REPS2: variants seen among roughly 807,000 people sequenced by gnomAD.
The protein encoded by REPS2 is RALBP1 associated Eps domain containing 2, also known as ralBP1-associated Eps domain-containing protein 2.
A neutral mutation model predicts 53.6 loss-of-function variants in REPS2; 23 were observed. The ratio of observed to expected loss-of-function variants is 0.43; its 90% CI spans 0.31 to 0.61. The LOEUF is 0.61. Ranked by LOEUF, REPS2 falls within the 20% of genes least tolerant of loss-of-function variation. REPS2 has a pLI of 0.11. For missense variants in REPS2, 446 were observed against 534.9 expected, an observed-to-expected ratio of 0.83 and a Z score of 1.64; for synonymous variants, 238 against 218.6, an observed-to-expected ratio of 1.09 and a Z score of -0.78.
the REPS2 span, among the ~76,000 whole-genome samples, chrX:17,182,834 C>T: frequency 1.3e-4 from 14 of 111,496 alleles, no homozygotes; most frequent in East Asian, 2.8e-3. Flanking sequence ...AATCATCACA[C>T]ACCACCATAT....
At chrX:17,069,213 C>T (rs1343697281) in intron 10 of REPS2, among the ~76,000 whole-genome samples, 2 of 112,044 alleles carry the variant, frequency 1.8e-5, no homozygotes. Flanking sequence ...CACTATGAAT[C>T]ATTTGCCTAG....
intron 3 of REPS2, among the ~76,000 whole-genome samples, 199 bp from the exon 4 acceptor site, chrX:17,024,860 A>T (rs1052813901): frequency 4.5e-5 from 5 of 111,948 alleles, no homozygotes; most frequent in Non-Finnish European, 9.4e-5. Flanking sequence ...CTCAGCACTG[A>T]TGAGATTTTA....
chrX:17,031,563 T>A (rs910178038), intron 5 of REPS2, among the ~76,000 whole-genome samples: 3 of 112,343 alleles, frequency 2.7e-5, no homozygotes. Flanking sequence ...ACTGGAGAGA[T>A]GGTCATTAAC....
intron 11 of REPS2, among the ~76,000 whole-genome samples, chrX:17,072,868 G>A (rs2062327415): frequency 1.8e-5 from 2 of 111,899 alleles, no homozygotes; most frequent in African/African-American, 6.5e-5. Flanking sequence ...CCAGGTGTGG[G>A]TGCACGATAA....
At chrX:17,180,607 T>TTC in the REPS2 span, among the ~76,000 whole-genome samples, 26 of 97,678 alleles carry the variant, frequency 2.7e-4, no homozygotes, top group South Asian at 4.2e-4. Flanking sequence ...CAGGCTTTGG[T>TTC]TCTCTCTCTC....
intron 2 of REPS2, among the ~76,000 whole-genome samples, chrX:17,007,247 G>A (rs1381925886): frequency 8.9e-6 from 1 of 112,112 alleles, no homozygotes; most frequent in Non-Finnish European, 1.9e-5. Flanking sequence ...GATTGCCATA[G>A]ATGGCTGGCT....
intron 2 of REPS2, among the ~76,000 whole-genome samples, chrX:17,013,017 C>G (rs1028547980): frequency 8.9e-6 from 1 of 112,410 alleles, no homozygotes; most frequent in Admixed American, 9.4e-5. Flanking sequence ...TGACTCCTCC[C>G]TTATCTGCAA....
intron 1 of REPS2, among the ~76,000 whole-genome samples, chrX:16,998,075 C>T (rs1549530): frequency 0.083 from 3,781 of 45,579 alleles, 177 homozygotes; most frequent in African/African-American, 0.32. Context: ...GGAGACCCCC[C>T]ATCTCTACAA....
chrX:17,074,232 A>G, intron 12 of REPS2, 73 bp downstream of exon 12: 2 of 950,981 alleles, frequency 2.1e-6, no homozygotes, highest in South Asian at 4.2e-5. Flanking sequence ...ACCACAAACC[A>G]AAACCCAACC....
At chrX:17,165,887 T>A in the REPS2 span, among the ~76,000 whole-genome samples, 3 of 111,166 alleles carry the variant, frequency 2.7e-5, no homozygotes, top group African/African-American at 9.8e-5. Flanking sequence ...GACCCCTCCT[T>A]GCAAAAGGCA....
intron 13 of REPS2, among the ~76,000 whole-genome samples, chrX:17,084,494 C>A (rs966689188): frequency 1.8e-5 from 2 of 112,169 alleles, no homozygotes; most frequent in Admixed American, 1.9e-4. Flanking sequence ...TTTTCCAGAG[C>A]AGCCAAACCA....
In REPS2 at chrX:17,119,868, CTT is replaced by C. The variant is rs35141257; in HGVS notation, c.1579-13931_1579-13930del. ...TCTGCTGTCCCCTATCGCACTGTGA[CTT>C]TTTTTTTTTTTTTTTTTTTTTTTTG... On this transcript the variant is annotated intron_variant, in intron 14 of 17. Transcript: ENST00000357277. Among the ~76,000 whole-genome samples, 78 of 40,512 alleles carry C rather than the reference CTT, an allele frequency of 1.9e-3. No homozygotes were observed. In the East Asian group the frequency reaches 0.027, roughly 14 times the overall value. The allele number at this position is 40,512 out of a possible 115,157, so 35.2% of individuals were successfully genotyped here.
At position 17,054,883 on chromosome X, in the gene REPS2, T is replaced by A. The variant is rs1455699082; in HGVS notation, c.1047T>A (p.Ala349=). The part of the protein sequence containing the change: ...EFCAAFHLIV[A]RKNGYPLPEG... ...GTGCTGCGTTTCATCTCATTGTGGC[T>A]CGGAAGAACGGCTACCCATTGCCTG... The change falls in exon 8 of 18, where the codon GCT becomes GCA. Residue 349 remains alanine (A), a synonymous_variant. Transcript: ENST00000357277. 8.3e-7 allele frequency: 1 copy of A among 1,211,737 alleles called. No homozygotes were observed. Among genetic ancestry groups the A allele is most frequent in the Admixed American group, 2.2e-5 (1 of 46,053 alleles).
chrX:17,189,156 C>G, the REPS2 span, among the ~76,000 whole-genome samples: 1 of 111,978 alleles, frequency 8.9e-6, no homozygotes, highest in African/African-American at 3.2e-5. Flanking sequence ...GTTCCTGCTG[C>G]TTGAAGAATT....
intron 1 of REPS2, among the ~76,000 whole-genome samples, chrX:16,968,945 C>T (rs1232136741): frequency 1.8e-5 from 2 of 109,998 alleles, no homozygotes; most frequent in African/African-American, 3.3e-5. Flanking sequence ...GGCTGCCGGG[C>T]GGAGGGGCCC....
At chrX:17,036,170 A>C (rs1475777899) in intron 5 of REPS2, among the ~76,000 whole-genome samples, 2 of 112,170 alleles carry the variant, frequency 1.8e-5, no homozygotes, top group East Asian at 5.6e-4. Context: ...ACGACTTTCA[A>C]ATTGGAGGTA....
chrX:17,050,580 G>A (rs1397973435), intron 6 of REPS2, among the ~76,000 whole-genome samples: 1 of 111,342 alleles, frequency 9.0e-6, no homozygotes. Context: ...TACACCCTGT[G>A]CTGTTCGCAC....
intron 14 of REPS2, among the ~76,000 whole-genome samples, chrX:17,125,756 A>G (rs2063200571): frequency 8.9e-6 from 1 of 112,805 alleles, no homozygotes; most frequent in Admixed American, 9.3e-5. Flanking sequence ...AGGATGGAAG[A>G]CCTTTAACTG....
intron 1 of REPS2, among the ~76,000 whole-genome samples, chrX:16,968,528 C>T (rs1390769769): frequency 4.0e-5 from 4 of 99,604 alleles, no homozygotes; most frequent in African/African-American, 1.5e-4. Flanking sequence ...GGCTGACCCC[C>T]CCACCTCCCT....
Sources: gnomAD v4.1 joint callset for allele counts (sites outside exome capture counted in the v4.1 genomes callset) on GRCh38, gnomAD v4.1.1 for gene constraint, MANE v1.5 for transcripts, NCBI Gene and HGNC (gene_info 2026-07-23, HGNC 2026-07-21) for gene names.